PRKN: variants seen among roughly 807,000 people sequenced by gnomAD.
The protein encoded by PRKN is parkin RBR E3 ubiquitin protein ligase.
A neutral mutation model predicts 59.5 loss-of-function variants in PRKN; 56 were observed. The ratio of observed to expected loss-of-function variants is 0.94; its 90% CI spans 0.76 to 1.18. The LOEUF is 1.18. PRKN is among the 50% of genes most tolerant of loss of function. The pLI, the probability that PRKN is intolerant of heterozygous loss-of-function variation, is 0.00. For synonymous variants in PRKN, 250 were observed against 222.1 expected, an observed-to-expected ratio of 1.13 and a Z score of -1.12; for missense variants, 657 against 596.4, an observed-to-expected ratio of 1.10 and a Z score of -1.06.
At chr6:162,547,851 G>C (rs1003723020) in intron 1 of PRKN, among the ~76,000 whole-genome samples, 5 of 151,958 alleles carry the variant, frequency 3.3e-5, no homozygotes, top group African/African-American at 1.2e-4. Flanking sequence ...CAAACTGCTG[G>C]GATTATAGGC....
chr6:162,620,551 AAG>A (rs1782621655), intron 1 of PRKN, among the ~76,000 whole-genome samples: 1 of 152,190 alleles, frequency 6.6e-6, no homozygotes, highest in African/African-American at 2.4e-5. Context: ...CTGCATAAGA[AAG>A]AGTTTTGAAA....
intron 7 of PRKN, among the ~76,000 whole-genome samples, chr6:161,613,559 C>T (rs187495516): frequency 6.6e-6 from 1 of 152,250 alleles, no homozygotes; most frequent in African/African-American, 2.4e-5. Flanking sequence ...GCATCACATG[C>T]TACAGAGACA....
chr6:162,647,579 A>C, intron 1 of PRKN, among the ~76,000 whole-genome samples: 1 of 152,288 alleles, frequency 6.6e-6, no homozygotes, highest in Middle Eastern at 3.4e-3. Context: ...ATTATTAATA[A>C]TATATAGAAG....
chr6:162,002,989 T>G (rs1782116431), intron 5 of PRKN, among the ~76,000 whole-genome samples: 1 of 152,086 alleles, frequency 6.6e-6, no homozygotes, highest in African/African-American at 2.4e-5. Context: ...TTCTATGATT[T>G]CTATTCTTTT....
Position 161,379,635 on chromosome 6 carries a change from C to T in PRKN, c.1167+7159G>A, listed in dbSNP as rs1197946530. On this transcript the variant is annotated intron_variant, in intron 10 of 11. Coordinates refer to ENST00000366898, the MANE Select transcript of PRKN (RefSeq NM_004562.3). This position sits in a 1 kb window ranked among gnomAD's most constrained non-coding sequence, Gnocchi z 4.9. Reference sequence around the variant, plus strand: ...GCTTCACCCAAAGCCTTTCTTCCTTCTGCGGGAAGCCCACATCGAAAACCT... The same window carrying T: ...GCTTCACCCAAAGCCTTTCTTCCTTTTGCGGGAAGCCCACATCGAAAACCT... Among the ~76,000 whole-genome samples, 1 of 152,200 alleles carries T rather than the reference C, an allele frequency of 6.6e-6. No individual in the cohort carries two copies. Among genetic ancestry groups the T allele is most frequent in the Non-Finnish European group, 1.5e-5 (1 of 68,028 alleles).
chr6:162,419,674 T>C (rs1288699323), intron 2 of PRKN, among the ~76,000 whole-genome samples: 8 of 152,104 alleles, frequency 5.3e-5, no homozygotes, highest in African/African-American at 1.9e-4. Context: ...GGGATTTTAC[T>C]TTTTGAAAAA....
chr6:161,391,059 C>T lies in PRKN; in HGVS notation c.1084-4182G>A, dbSNP rs1201376278. Among the ~76,000 whole-genome samples, 3 of 152,114 alleles carry T rather than the reference C, an allele frequency of 2.0e-5. No individual in the cohort carries two copies. Among genetic ancestry groups the T allele is most frequent in the Non-Finnish European group, 4.4e-5 (3 of 68,034 alleles). On this transcript the variant is annotated intron_variant, in intron 9 of 11. Coordinates refer to ENST00000366898, the MANE Select transcript of PRKN (RefSeq NM_004562.3). The surrounding 1 kb of genome is among the most constrained non-coding windows in gnomAD (Gnocchi z 4.9). ...CTCCTTCTTAAGACAGTGTTCGGGC[C>T]AGTTTGCAAACACTTCCCATGGCAT...
chr6:161,951,346 G>A (rs1210543047), intron 6 of PRKN, among the ~76,000 whole-genome samples: 1 of 152,122 alleles, frequency 6.6e-6, no homozygotes, highest in Non-Finnish European at 1.5e-5. Flanking sequence ...TGTGCTAATT[G>A]TTTCTAATGG....
chr6:162,263,555 G>A (rs1416614885), intron 2 of PRKN, among the ~76,000 whole-genome samples: 4 of 152,100 alleles, frequency 2.6e-5, no homozygotes, highest in Admixed American at 1.3e-4. Context: ...ATATTGACAC[G>A]TAGGAACAGA....
At chr6:162,168,139 TA>T (rs545819727) in intron 4 of PRKN, among the ~76,000 whole-genome samples, 12 of 152,142 alleles carry the variant, frequency 7.9e-5, no homozygotes, top group Non-Finnish European at 1.6e-4. Context: ...AATCAAAGAA[TA>T]AAATATTTTT....
At chr6:162,169,352 G>A (rs1382786523) in intron 4 of PRKN, among the ~76,000 whole-genome samples, 1 of 152,036 alleles carries the variant, frequency 6.6e-6, no homozygotes, top group Non-Finnish European at 1.5e-5. Context: ...TGATTTCAAG[G>A]TTCTCATTTT....
At chr6:162,099,540 G>C (rs1779879297) in intron 4 of PRKN, among the ~76,000 whole-genome samples, 1 of 152,056 alleles carries the variant, frequency 6.6e-6, no homozygotes. Flanking sequence ...GCATAAAAGA[G>C]GCAACAGGAT....
At chr6:161,509,146 G>T (rs1425734456) in intron 9 of PRKN, among the ~76,000 whole-genome samples, 1 of 151,952 alleles carries the variant, frequency 6.6e-6, no homozygotes, top group African/African-American at 2.4e-5. Flanking sequence ...GTCTGGCCGG[G>T]TGTTATGATT....
chr6:161,930,106 A>AGACG (rs1462630426), intron 6 of PRKN, among the ~76,000 whole-genome samples: 65 of 152,070 alleles, frequency 4.3e-4, no homozygotes, highest in South Asian at 1.7e-3. Context: ...GGGTTCAGAC[A>AGACG]GCCTGGGTTC....
chr6:161,426,644 T>TACACACAC (rs546537464), intron 9 of PRKN, among the ~76,000 whole-genome samples: 35 of 31,046 alleles, frequency 1.1e-3, no homozygotes, highest in Middle Eastern at 0.036. Context: ...AACTCCCCTT[T>TACACACAC]ACACACACAC....
At chr6:161,969,789 A>C (rs1179726872) in intron 6 of PRKN, among the ~76,000 whole-genome samples, 1 of 152,150 alleles carries the variant, frequency 6.6e-6, no homozygotes, top group Non-Finnish European at 1.5e-5. Flanking sequence ...TTTGCCTTAT[A>C]GATTTTCATC....
At chr6:162,581,384 T>C (rs948752806) in intron 1 of PRKN, among the ~76,000 whole-genome samples, 1 of 152,246 alleles carries the variant, frequency 6.6e-6, no homozygotes, top group African/African-American at 2.4e-5. Context: ...TGTCATGGTC[T>C]AACAAGAAAA....
chr6:162,213,946 T>C (rs1562586054), intron 3 of PRKN, among the ~76,000 whole-genome samples: 1 of 151,752 alleles, frequency 6.6e-6, no homozygotes, highest in Non-Finnish European at 1.5e-5. Flanking sequence ...TTTCCCATGA[T>C]CCTGTGTTCT....
chr6:162,637,177 A>C (rs1483040393), intron 1 of PRKN, among the ~76,000 whole-genome samples: 2 of 151,776 alleles, frequency 1.3e-5, no homozygotes, highest in Non-Finnish European at 2.9e-5. Context: ...GAATTGCTTG[A>C]ACCCGGGAGG....
Sources: allele counts gnomAD v4.1 joint callset (sites outside exome capture counted in the v4.1 genomes callset), GRCh38; gene constraint gnomAD v4.1.1; non-coding constraint Gnocchi (gnomAD v3.1); transcripts MANE v1.5; gene names NCBI Gene and HGNC (gene_info 2026-07-23, HGNC 2026-07-21).